The following DSN1 variants were observed in gnomAD, a reference collection of about 807,000 sequenced individuals.
DSN1 encodes the protein kinetochore-associated protein DSN1 homolog.
Under a neutral mutation model 45.7 loss-of-function variants are expected in DSN1, and 31 were observed. The observed-to-expected ratio is 0.68, with a 90% CI of 0.51 to 0.92. The LOEUF (loss-of-function observed/expected upper bound fraction) is 0.92. Ranked by LOEUF, DSN1 falls within the 40% of genes least tolerant of loss-of-function variation. The probability of loss-of-function intolerance (pLI) is 0.00; values close to 1 mark genes in which losing one functional copy is unlikely to be tolerated. For synonymous variants in DSN1, 134 were observed against 142.3 expected (o/e 0.94, Z 0.41); for missense variants, 394 against 414.2 (o/e 0.95, Z 0.42).
Position 36,766,787 on chromosome 20 carries a change from C to T in DSN1, c.484G>A (p.Glu162Lys), listed in dbSNP as rs764513673. 5.6e-5 allele frequency: 90 copies of T among 1,610,930 alleles called. No homozygotes were observed. Among genetic ancestry groups the T allele is most frequent in the Non-Finnish European group, 7.0e-5 (83 of 1,179,352 alleles). ...FLRDTKGFSL[E>K]SFRAKASSLS... ...AACTTACCTTTGGCTCTAAAACTTTCAAGACTGAAGCCCTTAGTGTCCCTT... is the reference window on the plus strand; with the variant it reads ...AACTTACCTTTGGCTCTAAAACTTTTAAGACTGAAGCCCTTAGTGTCCCTT... The change falls in exon 5 of 11, where the codon GAA becomes AAA. Residue 162 changes from glutamate (E) to lysine (K), a missense_variant. Physicochemically the swap from Glu to Lys is moderately conservative, Grantham distance 56 (BLOSUM62 1). Coordinates refer to ENST00000373750, the MANE Select transcript of DSN1 (RefSeq NM_001145315.2).
chr20:36,762,273 A>C (rs1393199974), intron 6 of DSN1, among the ~76,000 whole-genome samples, 188 bp downstream of exon 6: 1 of 151,368 alleles, frequency 6.6e-6, no homozygotes, highest in Admixed American at 6.6e-5. Flanking sequence ...CGCCTGGCTA[A>C]TTTTTTATTT....
intron 10 of DSN1, 34 bp from the exon 11 acceptor site, chr20:36,752,931 A>G: frequency 6.5e-7 from 1 of 1,539,906 alleles, no homozygotes. Context: ...ATAAATTTCA[A>G]TTGAAATAAC....
chr20:36,762,453 G>T lies in DSN1; in HGVS notation c.590+8C>A. On this transcript the variant is annotated splice_region_variant and intron_variant, in intron 6 of 10. Coordinates refer to ENST00000373750, the MANE Select transcript of DSN1 (RefSeq NM_001145315.2). The stretch of plus-strand genomic sequence containing the variant: ...CATAATTTAGGACAGAAGGGGAACT[G>T]CTCTTACCCATTTGAATCTTCAAAA... The T allele has an allele frequency of 6.2e-7, 1 of 1,612,138 alleles. No homozygotes were observed. Among genetic ancestry groups the T allele is most frequent in the Non-Finnish European group, 8.5e-7 (1 of 1,179,014 alleles).
Position 36,771,482 on chromosome 20 carries a change from A to G in DSN1, c.-15-9T>C. The G allele has an allele frequency of 6.2e-7, 1 of 1,613,078 alleles. No homozygotes were observed. Among genetic ancestry groups the G allele is most frequent in the Non-Finnish European group, 8.5e-7 (1 of 1,179,272 alleles). Reference sequence around the variant, plus strand: ...ATCCTAGGTGGTAAACTCTGAAAATAGGAAAATGGAAGTGATCTGTTCTTC... The same window carrying G: ...ATCCTAGGTGGTAAACTCTGAAAATGGGAAAATGGAAGTGATCTGTTCTTC... On this transcript the variant is annotated splice_polypyrimidine_tract_variant and intron_variant, in intron 1 of 10. Coordinates refer to ENST00000373750, the MANE Select transcript of DSN1 (RefSeq NM_001145315.2).
At position 36,752,656 on chromosome 20, in the gene DSN1, C is replaced by CA; in HGVS notation, c.*131dup. Reference sequence around the variant, plus strand: ...AATTCCATCACTTTTTGAAAAAAGTCAAAGTGTTCTACAGTCAGTCCTGCC... The same window carrying CA: ...AATTCCATCACTTTTTGAAAAAAGTCAAAAGTGTTCTACAGTCAGTCCTGCC... On this transcript the variant is annotated 3_prime_UTR_variant, in exon 11 of 11. Coordinates refer to ENST00000373750, the MANE Select transcript of DSN1 (RefSeq NM_001145315.2). 1.5e-6 allele frequency: 1 copy of CA among 647,804 alleles called. No homozygotes were observed. Among genetic ancestry groups the CA allele is most frequent in the Admixed American group, 3.0e-5 (1 of 33,714 alleles). The allele number at this position is 647,804 out of a possible 1,614,324, so 40.1% of individuals were successfully genotyped here. A position where few individuals can be genotyped will look rare whatever the true frequency, so the allele number is the denominator to read the frequency against.
chr20:36,773,341 C>T, intron 1 of DSN1: 1 of 980,904 alleles, frequency 1.0e-6, no homozygotes, highest in Non-Finnish European at 1.2e-6. Flanking sequence ...GTGACACAGC[C>T]AGCCTGGGGG....
At chr20:36,765,167 A>G (rs1161240742) in intron 5 of DSN1, among the ~76,000 whole-genome samples, 1 of 150,064 alleles carries the variant, frequency 6.7e-6, no homozygotes, top group East Asian at 2.0e-4. Flanking sequence ...GGTAATTCCC[A>G]TAATTTCATT....
chr20:36,769,934 CACACACAGAGAG>C (rs1987547708), intron 3 of DSN1, among the ~76,000 whole-genome samples: 1 of 123,956 alleles, frequency 8.1e-6, no homozygotes. Context: ...CACACACACA[CACACACAGAGAG>C]AGAGAGACAG....
intron 1 of DSN1, chr20:36,773,454 G>A: frequency 1.0e-6 from 1 of 985,578 alleles, no homozygotes; most frequent in Non-Finnish European, 1.2e-6. Flanking sequence ...GGTCGGTAAG[G>A]GGGACTGCCC....
chr20:36,755,983 T>C (rs551239398), intron 8 of DSN1, among the ~76,000 whole-genome samples, 154 bp from the exon 9 acceptor site: 2 of 151,356 alleles, frequency 1.3e-5, no homozygotes, highest in Non-Finnish European at 1.5e-5. Context: ...TGTTTGTTTG[T>C]TTGTTTTTGA....
chr20:36,771,006 C>T lies in DSN1; in HGVS notation c.222G>A (p.Gln74=). Residue 74 remains glutamine (Q), a synonymous_variant, in exon 3 of 11, where the codon CAG becomes CAA. Transcript: ENST00000373750. ...GAGGAGACAAATGAAGGGACTTCGA[C>T]TGAAGTCTTTCCTGGTGGCTGAGAT... ...NCDLSHQERL[Q]SKSLHLSPQE... The T allele has an allele frequency of 6.2e-7, 1 of 1,614,212 alleles. No individual in the cohort carries two copies. The highest frequency in any genetic ancestry group is 8.5e-7 in the Non-Finnish European group (1 of 1,180,052).
chr20:36,761,584 G>A (rs1039959209), intron 6 of DSN1, among the ~76,000 whole-genome samples: 2 of 152,010 alleles, frequency 1.3e-5, no homozygotes, highest in African/African-American at 2.4e-5. Context: ...AAAATAGGCC[G>A]GCGCGGTGGC....
chr20:36,758,576 A>C lies in DSN1; in HGVS notation c.632T>G (p.Met211Arg), dbSNP rs755255896. 2 of 1,611,586 alleles carry C rather than the reference A, an allele frequency of 1.2e-6. No individual in the cohort carries two copies. Among genetic ancestry groups the C allele is most frequent in the African/African-American group, 2.7e-5 (2 of 74,886 alleles). ...AACTTACTTTGTTATGTATTCCTTC[A>C]TCTCAGCCACAGATGCTTCCAAAGA... ...DFSLEASVAE[M>R]KEYITKFSLE... The change falls in exon 7 of 11, where the codon ATG becomes AGG. Residue 211 changes from methionine to arginine, a missense_variant. By Grantham distance (91) the Met-to-Arg change is moderately conservative. Coordinates refer to ENST00000373750, the MANE Select transcript of DSN1 (RefSeq NM_001145315.2).
chr20:36,755,964 GT>G (rs1015668242), intron 8 of DSN1, 135 bp from the exon 9 acceptor site: 180 of 990,140 alleles, frequency 1.8e-4, no homozygotes, highest in East Asian at 2.1e-4. Flanking sequence ...TAACAGAAAG[GT>G]TTTTTTTTGT....
intron 1 of DSN1, among the ~76,000 whole-genome samples, chr20:36,772,024 G>A (rs1987675800): frequency 6.6e-6 from 1 of 151,834 alleles, no homozygotes; most frequent in South Asian, 2.1e-4. Flanking sequence ...GGGATTACAG[G>A]AATGCACCAC....
chr20:36,756,125 C>G (rs1196331761), intron 8 of DSN1, among the ~76,000 whole-genome samples: 1 of 151,996 alleles, frequency 6.6e-6, no homozygotes, highest in African/African-American at 2.4e-5. Flanking sequence ...GGATTTCAGG[C>G]ACCTGCCACC....
intron 4 of DSN1, 137 bp downstream of exon 4, chr20:36,767,832 G>T: frequency 2.6e-6 from 2 of 762,500 alleles, no homozygotes; most frequent in South Asian, 3.2e-5. Context: ...AACCTGGGAG[G>T]CGGAGGTTGC....
chr20:36,753,109 C>G (rs563362205), intron 10 of DSN1, among the ~76,000 whole-genome samples: 1 of 149,162 alleles, frequency 6.7e-6, no homozygotes, highest in African/African-American at 2.5e-5. Flanking sequence ...TTTGGGAGAC[C>G]AAGGCGGGAC....
chr20:36,758,711 G>A, intron 6 of DSN1, 94 bp from the exon 7 acceptor site: 1 of 1,264,976 alleles, frequency 7.9e-7, no homozygotes, highest in Non-Finnish European at 1.1e-6. Context: ...ATTTCAGACG[G>A]AGTTTCCCTC....
Sources: allele counts gnomAD v4.1 joint callset (sites outside exome capture counted in the v4.1 genomes callset), GRCh38; gene constraint gnomAD v4.1.1; transcripts MANE v1.5; gene names NCBI Gene and HGNC (gene_info 2026-07-23, HGNC 2026-07-21).